The following CACNA1G variants were observed in gnomAD, a reference collection of about 807,000 sequenced individuals.
CACNA1G encodes voltage-dependent T-type calcium channel subunit alpha-1G.
Under a neutral mutation model 219.4 loss-of-function variants are expected in CACNA1G, and 67 were observed. That is an observed-to-expected ratio of 0.31 (90% CI 0.25 to 0.37). The LOEUF is 0.37. CACNA1G is among the 10% of genes least tolerant of loss of function. CACNA1G has a pLI of 1.00. For synonymous variants in CACNA1G, 1,296 were observed against 1,345.3 expected (o/e 0.96, Z 0.80); for missense variants, 2,380 against 3,231.4 (o/e 0.74, Z 6.39).
In CACNA1G at chr17:50,626,251, AGAAGCAGCTTAGAGTTG is replaced by A; in HGVS notation, c.6637_6653del (p.Ser2213HisfsTer46). The stretch of plus-strand genomic sequence containing the variant: ...CTGGGGCAAGGGCCCTCCAGAGACC[AGAAGCAGCTTAGAGTTG>A]GACACGGAGCTGAGCTGGATTTCAG... On this transcript the variant is annotated frameshift_variant, in exon 38 of 38. Transcript: ENST00000359106. LOFTEE classifies it high-confidence loss of function. This position sits in a 1 kb window ranked among gnomAD's most constrained non-coding sequence, Gnocchi z 4.3. 6.2e-7 allele frequency: 1 copy of A among 1,613,738 alleles called. No homozygotes were observed.
In CACNA1G at chr17:50,580,173, G is replaced by A. The variant is rs555637534; in HGVS notation, c.2301+1609G>A. Among the ~76,000 whole-genome samples, 115 of 152,266 alleles carry A rather than the reference G, an allele frequency of 7.6e-4. 2 individuals are homozygous for A. The highest frequency in any genetic ancestry group is 8.5e-4 in the Admixed American group (13 of 15,298). On this transcript the variant is annotated intron_variant, in intron 9 of 37. Coordinates refer to ENST00000359106, the MANE Select transcript of CACNA1G (RefSeq NM_018896.5). ...CACTTGACACCACGGTGGGCATGTTGTGTCTGGGCTACGTGGGTGTGGGTG... is the reference window on the plus strand; with the variant it reads ...CACTTGACACCACGGTGGGCATGTTATGTCTGGGCTACGTGGGTGTGGGTG...
At position 50,618,426 on chromosome 17, in the gene CACNA1G, C is replaced by A. The variant is rs1385291688; in HGVS notation, c.5427+83C>A. 6.5e-7 allele frequency: 1 copy of A among 1,549,936 alleles called. No homozygotes were observed. Among genetic ancestry groups the A allele is most frequent in the South Asian group, 1.1e-5 (1 of 86,980 alleles). On this transcript the variant is annotated intron_variant, in intron 32 of 37. Coordinates refer to ENST00000359106, the MANE Select transcript of CACNA1G (RefSeq NM_018896.5). This position sits in a 1 kb window ranked among gnomAD's most constrained non-coding sequence, Gnocchi z 5.3. ...ATTCCTTGGGAAGATGAATTGGCCA[C>A]AAATAAAAGCATGTGACCTTCTCTC...
At chr17:50,576,692 C>T (rs1248878391) in intron 8 of CACNA1G, among the ~76,000 whole-genome samples, 1 of 152,214 alleles carries the variant, frequency 6.6e-6, no homozygotes, top group African/African-American at 2.4e-5. Flanking sequence ...GCTTTCTTAG[C>T]ATCCCCATTG....
intron 10 of CACNA1G, 149 bp downstream of exon 10, chr17:50,590,771 G>T (rs2044135079): frequency 1.5e-6 from 1 of 688,920 alleles, no homozygotes; most frequent in Non-Finnish European, 2.4e-6. Context: ...CCTCCTAGGT[G>T]GGGGGCTCTC....
At position 50,618,558 on chromosome 17, in the gene CACNA1G, C is replaced by T; in HGVS notation, c.5428-97C>T. ...ACTCCCTCCTCCTCCCCTTCCTTCC[C>T]ATCCTCCAATGCTCTGTGACACCAG... is the stretch of plus-strand genomic sequence containing the variant. On this transcript the variant is annotated intron_variant, in intron 32 of 37. Coordinates refer to ENST00000359106, the MANE Select transcript of CACNA1G (RefSeq NM_018896.5). The surrounding 1 kb of genome is among the most constrained non-coding windows in gnomAD (Gnocchi z 5.3). 3.7e-6 allele frequency: 4 copies of T among 1,086,512 alleles called. No individual in the cohort carries two copies. The highest frequency in any genetic ancestry group is 5.4e-6 in the Non-Finnish European group (4 of 737,636). The allele number at this position is 1,086,512 out of a possible 1,614,324, so 67.3% of individuals were successfully genotyped here. A position where few individuals can be genotyped will look rare whatever the true frequency, so the allele number is the denominator to read the frequency against.
At chr17:50,568,733 GTA>G (rs2038603813) in intron 1 of CACNA1G, 135 bp from the exon 2 acceptor site, 5 of 710,540 alleles carry the variant, frequency 7.0e-6, no homozygotes, top group Middle Eastern at 2.3e-4. Context: ...TGGTCTGCGT[GTA>G]TGTCAGGGCC....
rs375178368 is a variant in CACNA1G, at chr17:50,618,213, C to A, written c.5306-9C>A. 6 of 1,613,180 alleles carry A rather than the reference C, an allele frequency of 3.7e-6. No homozygotes were observed. The highest frequency in any genetic ancestry group is 4.2e-6 in the Non-Finnish European group (5 of 1,179,388). On this transcript the variant is annotated splice_polypyrimidine_tract_variant and intron_variant, in intron 31 of 37. Coordinates refer to ENST00000359106, the MANE Select transcript of CACNA1G (RefSeq NM_018896.5). The surrounding 1 kb of genome is among the most constrained non-coding windows in gnomAD (Gnocchi z 5.3). The stretch of plus-strand genomic sequence containing the variant: ...ACATGGGCCTCTCCCCCTTTCCCTC[C>A]TCCCCCAGAGTGTGACGAGACACAC...
chr17:50,608,104 TG>T, intron 25 of CACNA1G, 85 bp downstream of exon 25: 3 of 1,280,410 alleles, frequency 2.3e-6, no homozygotes, highest in Non-Finnish European at 3.3e-6. Flanking sequence ...TGCAGGGGGC[TG>T]GGCGCTGGGG....
chr17:50,607,744 G>T (rs564500388), intron 24 of CACNA1G, 83 bp from the exon 25 acceptor site: 36 of 1,226,980 alleles, frequency 2.9e-5, no homozygotes, highest in Non-Finnish European at 4.0e-5. Context: ...ATTTGGGTTC[G>T]CAGGAACCCA....
In CACNA1G at chr17:50,603,265, C is replaced by T. The variant is rs1042088811; in HGVS notation, c.4169+66C>T. The T allele has an allele frequency of 2.1e-5, 29 of 1,371,314 alleles. No homozygotes were observed. Among genetic ancestry groups the T allele is most frequent in the Admixed American group, 3.9e-5 (2 of 51,094 alleles). 84.9% of individuals were successfully genotyped at this position (1,371,314 alleles called of 1,614,324 possible). On this transcript the variant is annotated intron_variant, in intron 21 of 37. Coordinates refer to ENST00000359106, the MANE Select transcript of CACNA1G (RefSeq NM_018896.5). This position sits in a 1 kb window ranked among gnomAD's most constrained non-coding sequence, Gnocchi z 6.4. Reference sequence around the variant, plus strand: ...CCCCCTCCGCAGGGACATCTCCCACCGCCAGCACTCCCTGCCACGAAACAA... The same window carrying T: ...CCCCCTCCGCAGGGACATCTCCCACTGCCAGCACTCCCTGCCACGAAACAA...
intron 14 of CACNA1G, 79 bp downstream of exon 14, chr17:50,595,140 C>G: frequency 9.5e-7 from 1 of 1,054,770 alleles, no homozygotes; most frequent in Non-Finnish European, 1.4e-6. Flanking sequence ...TGTCTCTGTG[C>G]TCGTGTTCAC....
chr17:50,595,144 T>G (rs2045263132), intron 14 of CACNA1G, 83 bp downstream of exon 14: 2 of 1,021,664 alleles, frequency 2.0e-6, no homozygotes, highest in African/African-American at 3.2e-5. Flanking sequence ...TCTGTGCTCG[T>G]GTTCACGCTC....
In CACNA1G at chr17:50,596,966, A is replaced by C; in HGVS notation, c.3258+43A>C. The C allele has an allele frequency of 6.8e-7, 1 of 1,468,412 alleles. No homozygotes were observed. The highest frequency in any genetic ancestry group is 1.4e-5 in the South Asian group (1 of 72,718). The allele number at this position is 1,468,412 out of a possible 1,614,324, so 91.0% of individuals were successfully genotyped here. A position where few individuals can be genotyped will look rare whatever the true frequency, so the allele number is the denominator to read the frequency against. ...GTACCCTGATGGTGGGAGATATTCCAAGGAGGACAGGAGGAAGAGAGGATG... is the reference window on the plus strand; with the variant it reads ...GTACCCTGATGGTGGGAGATATTCCCAGGAGGACAGGAGGAAGAGAGGATG... On this transcript the variant is annotated intron_variant, in intron 16 of 37. Coordinates refer to ENST00000359106, the MANE Select transcript of CACNA1G (RefSeq NM_018896.5). The surrounding 1 kb of genome is among the most constrained non-coding windows in gnomAD (Gnocchi z 4.8).
intron 13 of CACNA1G, 109 bp downstream of exon 13, chr17:50,592,201 TC>T: frequency 8.3e-7 from 1 of 1,209,100 alleles, no homozygotes; most frequent in Non-Finnish European, 1.1e-6. Flanking sequence ...GCCTGGGAAG[TC>T]CCACAGGAAG....
Position 50,605,802 on chromosome 17 carries a change from A to C in CACNA1G, c.4297-96A>C, listed in dbSNP as rs1353306344. The C allele has an allele frequency of 2.1e-6, 3 of 1,414,326 alleles. No individual in the cohort carries two copies. In the East Asian group the frequency reaches 7.2e-5, roughly 34 times the overall value. The allele number at this position is 1,414,326 out of a possible 1,614,324, so 87.6% of individuals were successfully genotyped here. A position where few individuals can be genotyped will look rare whatever the true frequency, so the allele number is the denominator to read the frequency against. On this transcript the variant is annotated intron_variant, in intron 22 of 37. Transcript: ENST00000359106. ...GAGCAGAGCACCCCACACTCACTCA[A>C]AATGTGCCCAGGCTGGCGTGGGGGT...
intron 36 of CACNA1G, 96 bp from the exon 37 acceptor site, chr17:50,624,264 A>G (rs2053047100): frequency 7.9e-7 from 1 of 1,273,544 alleles, no homozygotes; most frequent in African/African-American, 1.5e-5. Flanking sequence ...TGAGGGGGAG[A>G]GAGTGGAAGG....
Position 50,581,068 on chromosome 17 carries a change from C to T in CACNA1G, c.2301+2504C>T, listed in dbSNP as rs542341788. Among the ~76,000 whole-genome samples the T allele has an allele frequency of 9.3e-5, 12 of 128,734 alleles. No individual in the cohort carries two copies. In the South Asian group the frequency reaches 1.0e-3, roughly 11 times the overall value. 84.5% of individuals were successfully genotyped at this position (128,734 alleles called of 152,430 possible). ...GAGACAGAGAGGAGACTGATGGGGGCGAGACAGAGGCACGGAGGGCAAGAT... is the reference window on the plus strand; with the variant it reads ...GAGACAGAGAGGAGACTGATGGGGGTGAGACAGAGGCACGGAGGGCAAGAT... On this transcript the variant is annotated intron_variant, in intron 9 of 37. Transcript: ENST00000359106.
In CACNA1G at chr17:50,591,929, G is replaced by T. The variant is rs376271699; in HGVS notation, c.2755-8G>T. On this transcript the variant is annotated splice_region_variant and splice_polypyrimidine_tract_variant and intron_variant, in intron 12 of 37. Transcript: ENST00000359106. The stretch of plus-strand genomic sequence containing the variant: ...GTATAGGCCCTGATTCCTGTCTTCT[G>T]CCCGCAGATCCTGACCCAGGAGGAC... The T allele has an allele frequency of 1.7e-5, 28 of 1,613,802 alleles. 1 individual carries two copies. In the South Asian group the frequency reaches 3.0e-4, roughly 17 times the overall value.
intron 21 of CACNA1G, 93 bp from the exon 22 acceptor site, chr17:50,604,062 G>A: frequency 7.5e-7 from 1 of 1,341,514 alleles, no homozygotes; most frequent in East Asian, 2.5e-5. Context: ...GAAGGGACCA[G>A]TGGTCAAGGT....
Sources: gnomAD v4.1 joint callset for allele counts (sites outside exome capture counted in the v4.1 genomes callset) on GRCh38, gnomAD v4.1.1 for gene constraint, Gnocchi (gnomAD v3.1) non-coding constraint, MANE v1.5 for transcripts, NCBI Gene and HGNC (gene_info 2026-07-23, HGNC 2026-07-21) for gene names.